The following ARHGAP21 variants were observed in gnomAD, a reference collection of about 807,000 sequenced individuals.
The protein encoded by ARHGAP21 is rho GTPase-activating protein 21.
A neutral mutation model predicts 164.6 loss-of-function variants in ARHGAP21; 38 were observed. The ratio of observed to expected loss-of-function variants is 0.23; its 90% CI spans 0.18 to 0.30. The LOEUF (loss-of-function observed/expected upper bound fraction) is 0.30. Among genes scored for constraint, ARHGAP21 ranks in the 10% least tolerant of loss-of-function variants. The pLI, the probability that ARHGAP21 is intolerant of heterozygous loss-of-function variation, is 1.00. For missense variants in ARHGAP21, 1,822 were observed against 2,370.7 expected (o/e 0.77, Z 4.81); for synonymous variants, 766 against 857.9 (o/e 0.89, Z 1.87).
At chr10:24,615,315 G>A (rs1225218806) in intron 9 of ARHGAP21, among the ~76,000 whole-genome samples, 2 of 152,212 alleles carry the variant, frequency 1.3e-5, no homozygotes, top group Admixed American at 6.5e-5. Context: ...ATATGGCAGT[G>A]CCGTTAAGGC....
chr10:24,612,662 G>A (rs970186889), intron 9 of ARHGAP21, among the ~76,000 whole-genome samples: 1 of 152,080 alleles, frequency 6.6e-6, no homozygotes, highest in Non-Finnish European at 1.5e-5. Context: ...AGACCATCCT[G>A]GTTAATACGG....
chr10:24,645,932 A>C (rs1463353209), intron 4 of ARHGAP21, among the ~76,000 whole-genome samples: 3 of 152,140 alleles, frequency 2.0e-5, no homozygotes, highest in Non-Finnish European at 4.4e-5. Context: ...GTGGTCAGGG[A>C]AGGCCTCTCT....
intron 11 of ARHGAP21, among the ~76,000 whole-genome samples, chr10:24,605,339 G>A (rs2076977591): frequency 6.6e-6 from 1 of 152,188 alleles, no homozygotes; most frequent in South Asian, 2.1e-4. Flanking sequence ...TGTTACCATG[G>A]AGTATCAGAG....
Position 24,591,313 on chromosome 10 carries a change from T to C in ARHGAP21, c.4062A>G (p.Glu1354=). The part of the protein sequence containing the change: ...AEEPLTTVQE[E]STVDSQPVPN... Reference sequence around the variant, plus strand: ...GCACTGGCTGGGAGTCTACTGTGCTTTCCTCCTGCACTGTTGTCTATGGTT... The same window carrying C: ...GCACTGGCTGGGAGTCTACTGTGCTCTCCTCCTGCACTGTTGTCTATGGTT... Residue 1354 remains glutamate, a synonymous_variant, in exon 24 of 26, where the codon GAA becomes GAG. Transcript: ENST00000396432. 1 of 1,612,854 alleles carries C rather than the reference T, an allele frequency of 6.2e-7. No homozygotes were observed. The highest frequency in any genetic ancestry group is 1.1e-5 in the South Asian group (1 of 91,012).
intron 2 of ARHGAP21, among the ~76,000 whole-genome samples, chr10:24,697,145 AC>A (rs994149266): frequency 1.3e-5 from 2 of 151,940 alleles, no homozygotes; most frequent in African/African-American, 4.8e-5. Context: ...GCTCTCATCC[AC>A]CCCAGGGAAA....
At chr10:24,609,135 G>A (rs1046200390) in intron 9 of ARHGAP21, among the ~76,000 whole-genome samples, 1 of 152,144 alleles carries the variant, frequency 6.6e-6, no homozygotes, top group African/African-American at 2.4e-5. Flanking sequence ...TCTTCAAAAA[G>A]TATCTGACTC....
In ARHGAP21 at chr10:24,597,484, A is replaced by T; in HGVS notation, c.3297T>A (p.Ser1099=). 6.2e-7 allele frequency: 1 copy of T among 1,614,052 alleles called. No homozygotes were observed. The highest frequency in any genetic ancestry group is 1.3e-5 in the African/African-American group (1 of 75,016). ...KSEPKTQSPH[S]PKEESERKLL... is the part of the protein sequence containing the mutation. ...GTTTCCTTTCCGACTCTTCCTTCGG[A>T]GAGTGTGGGCTTTGAGTCTTTGGCT... Residue 1099 remains serine, a synonymous_variant, in exon 16 of 26, where the codon TCT becomes TCA. Transcript: ENST00000396432.
Position 24,606,805 on chromosome 10 carries a change from C to T in ARHGAP21, c.2684+694G>A, listed in dbSNP as rs544078736. ...GCAGTGAGCCGAGATCGCACCATTG[C>T]ACTCCAGCCTGGGCAACAAGAGCAA... On this transcript the variant is annotated intron_variant, in intron 11 of 25. Transcript: ENST00000396432. Among the ~76,000 whole-genome samples, 5 of 152,286 alleles carry T rather than the reference C, an allele frequency of 3.3e-5. No individual in the cohort carries two copies. The East Asian group carries it at 9.6e-4, about 29-fold the overall frequency.
At chr10:24,616,162 C>T (rs78597392) in intron 9 of ARHGAP21, among the ~76,000 whole-genome samples, 5 of 152,134 alleles carry the variant, frequency 3.3e-5, no homozygotes, top group African/African-American at 9.7e-5. Context: ...AATGGCATCA[C>T]ATTTTTGGGA....
At chr10:24,666,937 A>T (rs1399802464) in intron 4 of ARHGAP21, 48 bp downstream of exon 4, 1 of 1,341,748 alleles carries the variant, frequency 7.5e-7, no homozygotes, top group Admixed American at 2.3e-5. Flanking sequence ...AACAGAAAGA[A>T]ATGGGTAGAA....
rs373370424 is a variant in ARHGAP21 at position 24,695,429 on chromosome 10, C to T, written c.64-25032G>A. ...ACTAAAAATACAAAAATTAGCTGGG[C>T]GTGGTGGCGGGTGCCTGTAATTCCA... On this transcript the variant is annotated intron_variant, in intron 2 of 25. Coordinates refer to ENST00000396432, the MANE Select transcript of ARHGAP21 (RefSeq NM_020824.4). 1.1e-4 allele frequency among the ~76,000 whole-genome samples: 16 copies of T among 152,074 alleles called. No homozygotes were observed. The East Asian group carries it at 3.1e-3, about 30-fold the overall frequency.
At position 24,707,504 on chromosome 10, in the gene ARHGAP21, C is replaced by T. The variant is rs117172600; in HGVS notation, c.63+14333G>A. 1.5e-3 allele frequency among the ~76,000 whole-genome samples: 229 copies of T among 152,278 alleles called. 5 individuals carry two copies. The East Asian group carries it at 0.037, about 25-fold the overall frequency. On this transcript the variant is annotated intron_variant, in intron 2 of 25. Transcript: ENST00000396432. The stretch of plus-strand genomic sequence containing the variant: ...TTATTTCTAAAGCCCTCTTCAACAC[C>T]ACCCTTTCTCCCAAGCTCCAAATCT...
chr10:24,603,180 T>C (rs1341004512), intron 12 of ARHGAP21, among the ~76,000 whole-genome samples: 2 of 152,062 alleles, frequency 1.3e-5, no homozygotes, highest in Non-Finnish European at 2.9e-5. Flanking sequence ...TTCCAACATT[T>C]AAATATCAGG....
chr10:24,679,886 A>G (rs1841611806), intron 2 of ARHGAP21, among the ~76,000 whole-genome samples: 1 of 151,818 alleles, frequency 6.6e-6, no homozygotes, highest in South Asian at 2.1e-4. Context: ...GCACCCATTA[A>G]CTCGTCATTT....
intron 3 of ARHGAP21, among the ~76,000 whole-genome samples, chr10:24,668,844 G>A (rs1490884888): frequency 6.6e-6 from 1 of 151,868 alleles, no homozygotes; most frequent in Non-Finnish European, 1.5e-5. Context: ...TATAAGTTTG[G>A]TAAAATTATC....
intron 5 of ARHGAP21, 116 bp downstream of exon 5, chr10:24,634,895 G>C (rs1836213836): frequency 1.4e-6 from 1 of 716,032 alleles, no homozygotes; most frequent in Non-Finnish European, 2.1e-6. Context: ...CAGATGTGAA[G>C]GAAAAGGAAG....
intron 2 of ARHGAP21, among the ~76,000 whole-genome samples, chr10:24,689,850 ATATG>A (rs1842560133): frequency 6.9e-6 from 1 of 144,972 alleles, no homozygotes; most frequent in African/African-American, 2.5e-5. Flanking sequence ...ATATATGTAT[ATATG>A]TATATGTATG....
In ARHGAP21 at chr10:24,629,989, A is replaced by T. The variant is rs755629841; in HGVS notation, c.495+7T>A. The T allele has an allele frequency of 5.2e-6, 8 of 1,552,754 alleles. 1 individual carries two copies. The South Asian group carries it at 9.4e-5, about 18-fold the overall frequency. On this transcript the variant is annotated splice_region_variant and intron_variant, in intron 7 of 25. Transcript: ENST00000396432. ...AAACAACTCATATATGAATAAATAA[A>T]ACTTACCACTTGGAGAATGTCTTCA...
rs751853815 is a variant in ARHGAP21 at position 24,670,401 on chromosome 10, A to G, written c.64-4T>C. ...TTCCATCTTTATTTTTTGAGACCTA[A>G]AGTGAAAAGATATTTAAAAGTTAAC... On this transcript the variant is annotated splice_region_variant and splice_polypyrimidine_tract_variant and intron_variant, in intron 2 of 25. Coordinates refer to ENST00000396432, the MANE Select transcript of ARHGAP21 (RefSeq NM_020824.4). 9.5e-6 allele frequency: 15 copies of G among 1,574,938 alleles called. No homozygotes were observed. The highest frequency in any genetic ancestry group is 1.2e-5 in the Non-Finnish European group (14 of 1,158,864).
Sources: allele counts gnomAD v4.1 joint callset (sites outside exome capture counted in the v4.1 genomes callset), GRCh38; gene constraint gnomAD v4.1.1; transcripts MANE v1.5; gene names NCBI Gene and HGNC (gene_info 2026-07-23, HGNC 2026-07-21).